Variants in ALPK2 observed in about 807,000 individuals in gnomAD.
The protein encoded by ALPK2 is alpha-protein kinase 2.
In ALPK2, 127 loss-of-function variants were observed where a neutral mutation model predicts 163.1. The observed-to-expected ratio is 0.78, with a 90% CI of 0.67 to 0.90. The LOEUF is 0.90. ALPK2 is among the 40% of genes least tolerant of loss of function. ALPK2 has a pLI of 0.00. For synonymous variants in ALPK2, 953 were observed against 959.1 expected (o/e 0.99, Z 0.12); for missense variants, 2,360 against 2,589.6 (o/e 0.91, Z 1.92).
At chr18:58,605,731 A>G (rs2052094730) in intron 3 of ALPK2, among the ~76,000 whole-genome samples, 2 of 152,210 alleles carry the variant, frequency 1.3e-5, no homozygotes, top group Admixed American at 1.3e-4. Context: ...ACAAGGTTGG[A>G]ATGAAGAAGT....
At chr18:58,601,627 T>C (rs539424951) in intron 3 of ALPK2, among the ~76,000 whole-genome samples, 30 of 152,168 alleles carry the variant, frequency 2.0e-4, no homozygotes, top group Admixed American at 6.5e-4. Context: ...TCCTGGGGGA[T>C]GAGAGCCCAT....
chr18:58,512,765 TATGTGTGTG>T (rs1568070729), intron 10 of ALPK2, among the ~76,000 whole-genome samples: 1 of 149,488 alleles, frequency 6.7e-6, no homozygotes, highest in African/African-American at 2.5e-5. Context: ...TGTGTATGTG[TATGTGTGTG>T]GTGTGTGTGG....
At chr18:58,619,504 C>T (rs909951643) in intron 1 of ALPK2, among the ~76,000 whole-genome samples, 6 of 152,186 alleles carry the variant, frequency 3.9e-5, no homozygotes, top group Admixed American at 2.0e-4. Context: ...TTTCTTAATC[C>T]ATTTCCCGTT....
At chr18:58,496,064 T>C (rs2051399519) in intron 12 of ALPK2, among the ~76,000 whole-genome samples, 1 of 152,152 alleles carries the variant, frequency 6.6e-6, no homozygotes, top group African/African-American at 2.4e-5. Context: ...GGTACACTTG[T>C]TCAGGATCAA....
At chr18:58,525,408 G>A (rs888025966) in intron 6 of ALPK2, among the ~76,000 whole-genome samples, 3 of 152,180 alleles carry the variant, frequency 2.0e-5, no homozygotes, top group Non-Finnish European at 4.4e-5. Flanking sequence ...CCTTCTCCAA[G>A]GCTCTAGGAT....
At chr18:58,598,616 C>T (rs1363908134) in intron 3 of ALPK2, among the ~76,000 whole-genome samples, 4 of 152,172 alleles carry the variant, frequency 2.6e-5, no homozygotes, top group Non-Finnish European at 5.9e-5. Context: ...CCTGCCCTCT[C>T]GCTACATCGT....
chr18:58,584,421 C>A lies in ALPK2; in HGVS notation c.228-3873G>T, dbSNP rs181384848. ...AACTGAGGTTGAAAGGAGTTATTTC[C>A]CCAAAGTGACAAAGCTGGAAAGCCA... On this transcript the variant is annotated intron_variant, in intron 3 of 12. Transcript: ENST00000361673. Among the ~76,000 whole-genome samples, 277 of 152,294 alleles carry A rather than the reference C, an allele frequency of 1.8e-3. 1 individual carries two copies. Among genetic ancestry groups the A allele is most frequent in the Non-Finnish European group, 3.4e-3 (230 of 68,028 alleles).
intron 5 of ALPK2, among the ~76,000 whole-genome samples, chr18:58,533,737 T>G (rs1367935196): frequency 6.6e-6 from 1 of 152,162 alleles, no homozygotes; most frequent in Non-Finnish European, 1.5e-5. Flanking sequence ...ATTACAGGTG[T>G]GAGCCACAAT....
rs753653862 is a variant in ALPK2 at position 58,580,339 on chromosome 18, G to A, written c.437C>T (p.Pro146Leu). The A allele has an allele frequency of 6.2e-7, 1 of 1,614,092 alleles. No individual in the cohort carries two copies. The highest frequency in any genetic ancestry group is 1.1e-5 in the South Asian group (1 of 91,074). Reference sequence around the variant, plus strand: ...GGAGATGCTTTCTTCTTCCTTATAAGGATGTTCCTTCTCATCAATCTGATT... The same window carrying A: ...GGAGATGCTTTCTTCTTCCTTATAAAGATGTTCCTTCTCATCAATCTGATT... ...RANQIDEKEHPYKEEESISPG... is the reference protein window; with the variant it reads ...RANQIDEKEHLYKEEESISPG... The change falls in exon 4 of 13, where the codon CCT (proline) becomes CTT (leucine). Residue 146 changes from proline to leucine, a missense_variant. Coordinates refer to ENST00000361673, the MANE Select transcript of ALPK2 (RefSeq NM_052947.4).
intron 1 of ALPK2, among the ~76,000 whole-genome samples, chr18:58,624,209 G>A (rs1363499038): frequency 6.6e-6 from 1 of 152,206 alleles, no homozygotes; most frequent in Non-Finnish European, 1.5e-5. Context: ...GACCAAGTCA[G>A]TGCAAAGCTT....
At chr18:58,504,744 T>C (rs2051452916) in intron 10 of ALPK2, among the ~76,000 whole-genome samples, 2 of 152,088 alleles carry the variant, frequency 1.3e-5, no homozygotes. Context: ...AACTCAGCAG[T>C]GAAGAGGAGA....
At chr18:58,613,243 A>C (rs926346435) in intron 1 of ALPK2, among the ~76,000 whole-genome samples, 1 of 152,204 alleles carries the variant, frequency 6.6e-6, no homozygotes, top group Non-Finnish European at 1.5e-5. Context: ...TAGAGGGAAA[A>C]GGAACCTGAG....
chr18:58,516,290 G>A (rs558186607), intron 9 of ALPK2, among the ~76,000 whole-genome samples: 3 of 151,708 alleles, frequency 2.0e-5, no homozygotes, highest in African/African-American at 7.3e-5. Context: ...AGGAAGGAGC[G>A]AGAGAAGCTA....
At position 58,534,982 on chromosome 18, in the gene ALPK2, C is replaced by T; in HGVS notation, c.5205G>A (p.Val1735=). The T allele has an allele frequency of 6.2e-7, 1 of 1,614,136 alleles. No homozygotes were observed. The change falls in exon 5 of 13, where the codon GTG becomes GTA. Residue 1735 remains valine (V), a synonymous_variant. Transcript: ENST00000361673. ...EGVKKKILSR[V]AALRLKLEEK... is the part of the protein sequence containing the mutation. Reference sequence around the variant, plus strand: ...CTTCCAGTTTCAGCCTCAGTGCTGCCACCCTGGACAAAATTTTCTTCTTTA... The same window carrying T: ...CTTCCAGTTTCAGCCTCAGTGCTGCTACCCTGGACAAAATTTTCTTCTTTA...
At chr18:58,496,712 A>T (rs941389532) in intron 12 of ALPK2, among the ~76,000 whole-genome samples, 2 of 152,164 alleles carry the variant, frequency 1.3e-5, no homozygotes, top group African/African-American at 2.4e-5. Context: ...TCATCCCACC[A>T]CTTTATTTTC....
At chr18:58,494,015 G>A (rs2051388545) in intron 12 of ALPK2, among the ~76,000 whole-genome samples, 1 of 152,222 alleles carries the variant, frequency 6.6e-6, no homozygotes, top group East Asian at 1.9e-4. Flanking sequence ...TCGCCTCCCC[G>A]GGAACTCCCC....
Position 58,508,808 on chromosome 18 carries a change from C to T in ALPK2, c.6030-4660G>A, listed in dbSNP as rs1027717732. Among the ~76,000 whole-genome samples, 139 of 152,122 alleles carry T rather than the reference C, an allele frequency of 9.1e-4. 6 individuals carry two copies. The highest frequency in any genetic ancestry group is 2.6e-4 in the Non-Finnish European group (18 of 68,018). On this transcript the variant is annotated intron_variant, in intron 10 of 12. Coordinates refer to ENST00000361673, the MANE Select transcript of ALPK2 (RefSeq NM_052947.4). The stretch of plus-strand genomic sequence containing the variant: ...TGGACTTGCCCTGTATTATTTCTTG[C>T]GTGAGATCCAAGAACCCTCTGTTGG...
At chr18:58,610,480 G>A (rs2052122690) in intron 2 of ALPK2, among the ~76,000 whole-genome samples, 1 of 152,014 alleles carries the variant, frequency 6.6e-6, no homozygotes, top group Admixed American at 6.6e-5. Flanking sequence ...TTTACCATTG[G>A]GAGTACCCAT....
intron 2 of ALPK2, 117 bp downstream of exon 2, chr18:58,611,570 GAA>G: frequency 1.1e-6 from 1 of 882,696 alleles, no homozygotes; most frequent in Non-Finnish European, 1.8e-6. Context: ...TGATTACACA[GAA>G]AAAAAAACTT....
Sources: gnomAD v4.1 joint callset for allele counts (sites outside exome capture counted in the v4.1 genomes callset) on GRCh38, gnomAD v4.1.1 for gene constraint, MANE v1.5 for transcripts, NCBI Gene and HGNC (gene_info 2026-07-23, HGNC 2026-07-21) for gene names.